HDAC4: variants seen among roughly 807,000 people sequenced by gnomAD.
HDAC4 encodes histone deacetylase 4, also known as histone deacetylase A.
HDAC4 carries 16 observed loss-of-function variants against 135.1 expected under a neutral mutation model. The ratio of observed to expected loss-of-function variants is 0.12; its 90% CI spans 0.08 to 0.18. The LOEUF (loss-of-function observed/expected upper bound fraction) is 0.18, where lower values mean the gene tolerates loss of function less well. HDAC4 is among the 10% of genes least tolerant of loss of function. HDAC4 has a pLI of 1.00. For synonymous variants in HDAC4, 685 were observed against 653.4 expected (o/e 1.05, Z -0.74); for missense variants, 1,143 against 1,511.8 (o/e 0.76, Z 4.05).
At chr2:239,109,034 C>T (rs1019770388) in intron 14 of HDAC4, among the ~76,000 whole-genome samples, 1 of 152,220 alleles carries the variant, frequency 6.6e-6, no homozygotes, top group African/African-American at 2.4e-5. Flanking sequence ...TCTGCAGAGG[C>T]TAGAGATGCG....
intron 3 of HDAC4, among the ~76,000 whole-genome samples, chr2:239,227,341 C>A (rs922593220): frequency 2.6e-5 from 4 of 152,146 alleles, no homozygotes; most frequent in African/African-American, 9.6e-5. Context: ...GTGTCCTGGT[C>A]TTCCTGCCCC....
chr2:239,260,664 G>A (rs996545432), intron 2 of HDAC4, among the ~76,000 whole-genome samples: 3 of 152,110 alleles, frequency 2.0e-5, no homozygotes, highest in African/African-American at 2.4e-5. Context: ...TGTGGCCTCC[G>A]GCTCTGCTCC....
chr2:239,168,011 C>T (rs1225345452), intron 5 of HDAC4, among the ~76,000 whole-genome samples: 4 of 152,164 alleles, frequency 2.6e-5, no homozygotes, highest in African/African-American at 9.7e-5. Context: ...GACGGCTGTG[C>T]TCCCGGAGGG....
chr2:239,387,026 G>A (rs1210548306), intron 1 of HDAC4, among the ~76,000 whole-genome samples: 1 of 152,274 alleles, frequency 6.6e-6, no homozygotes, highest in Non-Finnish European at 1.5e-5. Flanking sequence ...CGTGTGTGCA[G>A]ATGTCTGTCC....
rs576748596 is a variant in HDAC4, at chr2:239,175,320, G to A, written c.490+1093C>T. On this transcript the variant is annotated intron_variant, in intron 5 of 26. Transcript: ENST00000543185. ...ATGCTCAGAGCTGACTCAGCCCCAC[G>A]GTGGACCCTGCACCCCGGGGACACG... 1.2e-4 allele frequency among the ~76,000 whole-genome samples: 18 copies of A among 152,302 alleles called. No homozygotes were observed. In the East Asian group the frequency reaches 1.3e-3, roughly 11 times the overall value.
At chr2:239,398,607 G>A (rs1696723985) in intron 1 of HDAC4, among the ~76,000 whole-genome samples, 1 of 152,216 alleles carries the variant, frequency 6.6e-6, no homozygotes, top group Admixed American at 6.5e-5. Context: ...GCCGCACGTG[G>A]CCAGCGTGCC....
chr2:239,374,867 C>T (rs1215134011), intron 1 of HDAC4, among the ~76,000 whole-genome samples: 1 of 152,206 alleles, frequency 6.6e-6, no homozygotes, highest in African/African-American at 2.4e-5. Flanking sequence ...GTCAGCTGCA[C>T]AGGCCCACCC....
At chr2:239,256,001 T>C (rs78607313) in intron 2 of HDAC4, among the ~76,000 whole-genome samples, 4,839 of 152,324 alleles carry the variant, frequency 0.032, 261 homozygotes, top group African/African-American at 0.11. Flanking sequence ...AACCACTCTA[T>C]GCAAATACTC....
chr2:239,310,259 C>T (rs1172899436), intron 2 of HDAC4, among the ~76,000 whole-genome samples: 1 of 152,224 alleles, frequency 6.6e-6, no homozygotes, highest in African/African-American at 2.4e-5. Flanking sequence ...ATGTCAGTGA[C>T]TTGGGGGTCT....
intron 5 of HDAC4, among the ~76,000 whole-genome samples, chr2:239,165,756 CTT>C (rs1313896631): frequency 6.6e-6 from 1 of 152,216 alleles, no homozygotes; most frequent in Non-Finnish European, 1.5e-5. Flanking sequence ...TACCCTGCCT[CTT>C]GTTTCCTTTT....
chr2:239,258,851 C>A (rs2049192251), intron 2 of HDAC4, among the ~76,000 whole-genome samples: 1 of 152,200 alleles, frequency 6.6e-6, no homozygotes, highest in South Asian at 2.1e-4. Context: ...AAAGGCTCTA[C>A]TCCGAAGTGA....
At chr2:239,378,614 G>A (rs184476632) in intron 1 of HDAC4, among the ~76,000 whole-genome samples, 336 of 152,064 alleles carry the variant, frequency 2.2e-3, no homozygotes, top group Admixed American at 2.5e-3. Context: ...AAACGGCCCC[G>A]GGAACCAAGA....
chr2:239,258,858 G>C (rs554633251), intron 2 of HDAC4, among the ~76,000 whole-genome samples: 24 of 152,226 alleles, frequency 1.6e-4, no homozygotes, highest in Non-Finnish European at 2.9e-4. Context: ...CTACTCCGAA[G>C]TGAAGACTGC....
chr2:239,073,664 G>C (rs983670502), intron 22 of HDAC4, among the ~76,000 whole-genome samples: 4 of 152,246 alleles, frequency 2.6e-5, no homozygotes, highest in African/African-American at 9.6e-5. Flanking sequence ...TCACCTACTG[G>C]GACCCCACCA....
rs959744230 is a variant in HDAC4, at chr2:239,308,559, C to T, written c.22+44119G>A. Among the ~76,000 whole-genome samples, 3 of 152,200 alleles carry T rather than the reference C, an allele frequency of 2.0e-5. No homozygotes were observed. The highest frequency in any genetic ancestry group is 7.2e-5 in the African/African-American group (3 of 41,448). On this transcript the variant is annotated intron_variant, in intron 2 of 26. Transcript: ENST00000543185. The surrounding 1 kb of genome is among the most constrained non-coding windows in gnomAD (Gnocchi z 4.2). ...CATAACCTCCATCCACAGCCAGATA[C>T]TGCTTCCGGAACCACACTTCGTATC... is the stretch of plus-strand genomic sequence containing the variant.
chr2:239,395,975 T>C (rs1471066239), intron 1 of HDAC4, among the ~76,000 whole-genome samples: 1 of 152,154 alleles, frequency 6.6e-6, no homozygotes, highest in Non-Finnish European at 1.5e-5. Context: ...ATTACATATA[T>C]AAACTTTTTT....
chr2:239,062,193 A>G (rs1429004851), intron 24 of HDAC4, among the ~76,000 whole-genome samples: 1 of 152,296 alleles, frequency 6.6e-6, no homozygotes, highest in Non-Finnish European at 1.5e-5. Context: ...TGCTGGGAAC[A>G]GCACAGGCCT....
chr2:239,091,245 G>A (rs892168225), intron 17 of HDAC4: 15 of 152,322 alleles, frequency 9.8e-5, no homozygotes, highest in African/African-American at 3.4e-4. Context: ...TCTCCTATGG[G>A]AGTCTGGCCA....
intron 19 of HDAC4, among the ~76,000 whole-genome samples, chr2:239,084,458 TGCGC>T (rs142308489): frequency 7.1e-6 from 1 of 140,212 alleles, no homozygotes; most frequent in African/African-American, 2.6e-5. Context: ...CTCACACGCG[TGCGC>T]GCGCACACAC....
Sources: gnomAD v4.1 joint callset for allele counts (sites outside exome capture counted in the v4.1 genomes callset) on GRCh38, gnomAD v4.1.1 for gene constraint, Gnocchi (gnomAD v3.1) non-coding constraint, MANE v1.5 for transcripts, NCBI Gene and HGNC (gene_info 2026-07-23, HGNC 2026-07-21) for gene names.